The following TNIK variants were observed in gnomAD, a reference collection of about 807,000 sequenced individuals.
TNIK encodes TRAF2 and NCK-interacting protein kinase.
In TNIK, 49 loss-of-function variants were observed where a neutral mutation model predicts 191.3. The ratio of observed to expected loss-of-function variants is 0.26; its 90% CI spans 0.20 to 0.32. TNIK has a LOEUF of 0.32. Among genes scored for constraint, TNIK ranks in the 10% least tolerant of loss-of-function variants. The pLI is 1.00. For synonymous variants in TNIK, 594 were observed against 600.9 expected (o/e 0.99, Z 0.17); for missense variants, 1,155 against 1,702.3 (o/e 0.68, Z 5.66).
intron 17 of TNIK, 21 bp from the exon 18 acceptor site, chr3:171,123,723 GA>G: frequency 6.5e-7 from 1 of 1,541,152 alleles, no homozygotes; most frequent in Non-Finnish European, 8.8e-7. Flanking sequence ...CCAGAATTCA[GA>G]AATATTTTCC....
chr3:171,329,978 C>T (rs1560436586), intron 2 of TNIK, among the ~76,000 whole-genome samples: 1 of 152,172 alleles, frequency 6.6e-6, no homozygotes, highest in Non-Finnish European at 1.5e-5. Context: ...AAGGTTGTCA[C>T]AGATGGGGGA....
chr3:171,428,123 A>G (rs1342751748), intron 1 of TNIK, among the ~76,000 whole-genome samples: 2 of 152,160 alleles, frequency 1.3e-5, no homozygotes, highest in East Asian at 1.9e-4. Flanking sequence ...GCATTATCCA[A>G]CTTAAGCTTT....
At chr3:171,301,105 C>T (rs1248412522) in intron 2 of TNIK, among the ~76,000 whole-genome samples, 2 of 151,686 alleles carry the variant, frequency 1.3e-5, no homozygotes, top group African/African-American at 4.8e-5. Flanking sequence ...TAGTGGGTAC[C>T]AGTTTAACCA....
intron 16 of TNIK, among the ~76,000 whole-genome samples, chr3:171,127,235 G>C (rs1313476065): frequency 6.6e-6 from 1 of 152,168 alleles, no homozygotes; most frequent in Non-Finnish European, 1.5e-5. Context: ...AAATTTAAGT[G>C]CTGGAATGTT....
Position 171,177,353 on chromosome 3 carries a change from C to T in TNIK, c.667G>A (p.Ala223Thr). The T allele has an allele frequency of 3.1e-6, 5 of 1,607,182 alleles. No homozygotes were observed. Among genetic ancestry groups the T allele is most frequent in the Non-Finnish European group, 4.2e-6 (5 of 1,176,860 alleles). ...GGAGCACCTTCTGCCATTTCAATGG[C>T]GGTGATACCCAAAGACCACAAGTCA... Reference protein sequence around the residue: ...KSDLWSLGITAIEMAEGAPPL... With the variant: ...KSDLWSLGITTIEMAEGAPPL... The change falls in exon 8 of 33, where the codon GCC (alanine) becomes ACC (threonine). Residue 223 changes from alanine to threonine, a missense_variant. This residue lies in a region of TNIK where 225 missense variants were observed against 438.9 expected (regional missense o/e 0.51). Coordinates refer to ENST00000436636, the MANE Select transcript of TNIK (RefSeq NM_015028.4).
intron 2 of TNIK, among the ~76,000 whole-genome samples, chr3:171,250,882 C>T: frequency 6.6e-6 from 1 of 152,164 alleles, no homozygotes; most frequent in East Asian, 1.9e-4. Context: ...TCTTGCAATC[C>T]TCTGCTGCAA....
intron 1 of TNIK, among the ~76,000 whole-genome samples, chr3:171,417,826 G>A (rs920726180): frequency 5.3e-5 from 8 of 152,136 alleles, no homozygotes; most frequent in African/African-American, 1.9e-4. Flanking sequence ...TTTCTCTAAG[G>A]CTGCATGGCA....
At chr3:171,356,422 G>C (rs910699345) in intron 2 of TNIK, among the ~76,000 whole-genome samples, 2 of 152,114 alleles carry the variant, frequency 1.3e-5, no homozygotes, top group South Asian at 4.2e-4. Context: ...CAAAAACACA[G>C]TGTCCCCATT....
intron 2 of TNIK, among the ~76,000 whole-genome samples, chr3:171,355,166 T>C (rs572245836): frequency 6.6e-6 from 1 of 152,228 alleles, no homozygotes; most frequent in Admixed American, 6.5e-5. Flanking sequence ...TCCGTATTAA[T>C]CATCTGCTCA....
chr3:171,274,945 C>T (rs1749545904), intron 2 of TNIK, among the ~76,000 whole-genome samples: 1 of 152,138 alleles, frequency 6.6e-6, no homozygotes, highest in African/African-American at 2.4e-5. Flanking sequence ...TCTTCGAAGG[C>T]CAGAGAATGA....
intron 1 of TNIK, among the ~76,000 whole-genome samples, chr3:171,455,491 TCGGCCTC>T (rs1374201542): frequency 2.9e-5 from 4 of 135,956 alleles, no homozygotes; most frequent in African/African-American, 1.3e-4. Context: ...TCCTCCCACT[TCGGCCTC>T]CCGAAGTGCT....
rs1242325988 is a variant in TNIK at position 171,276,092 on chromosome 3, G to A, written c.124-47871C>T. On this transcript the variant is annotated intron_variant, in intron 2 of 32. Coordinates refer to ENST00000436636, the MANE Select transcript of TNIK (RefSeq NM_015028.4). Reference sequence around the variant, plus strand: ...CATTCTCAACACCCACTCCACAAATGCTGAAGAAAGGAGCTGGACGAAAAT... The same window carrying A: ...CATTCTCAACACCCACTCCACAAATACTGAAGAAAGGAGCTGGACGAAAAT... 4.6e-5 allele frequency among the ~76,000 whole-genome samples: 7 copies of A among 151,974 alleles called. No homozygotes were observed. In the East Asian group the frequency reaches 1.3e-3, roughly 29 times the overall value.
intron 1 of TNIK, among the ~76,000 whole-genome samples, chr3:171,427,996 TG>T (rs1348319818): frequency 6.6e-6 from 1 of 152,096 alleles, no homozygotes; most frequent in African/African-American, 2.4e-5. Flanking sequence ...TGTTTGGTGC[TG>T]GGGGCTGGGG....
chr3:171,352,365 AG>A (rs1204336455), intron 2 of TNIK, among the ~76,000 whole-genome samples: 1 of 152,218 alleles, frequency 6.6e-6, no homozygotes, highest in Non-Finnish European at 1.5e-5. Context: ...CCAAGTATGG[AG>A]GGAGACCATT....
intron 2 of TNIK, among the ~76,000 whole-genome samples, chr3:171,341,740 T>A (rs1476084595): frequency 6.6e-6 from 1 of 152,140 alleles, no homozygotes; most frequent in Non-Finnish European, 1.5e-5. Context: ...CTAGTCTTTA[T>A]CCTTATGGCA....
At chr3:171,327,457 G>C (rs1755899382) in intron 2 of TNIK, among the ~76,000 whole-genome samples, 1 of 152,130 alleles carries the variant, frequency 6.6e-6, no homozygotes, top group Non-Finnish European at 1.5e-5. Context: ...GGGCTGGAGG[G>C]CTGGACAGTG....
At chr3:171,336,999 T>TTCACCTCTTCCCCACAGCC (rs1757021394) in intron 2 of TNIK, among the ~76,000 whole-genome samples, 1 of 152,174 alleles carries the variant, frequency 6.6e-6, no homozygotes, top group Non-Finnish European at 1.5e-5. Context: ...CTGACACAGC[T>TTCACCTCTTCCCCACAGCC]TCACCTCTTC....
rs1721086738 is a variant in TNIK, at chr3:171,084,460, AT to A, written c.2999-136del. 4 of 1,038,844 alleles carry A rather than the reference AT, an allele frequency of 3.9e-6. No homozygotes were observed. In the South Asian group the frequency reaches 5.8e-5, roughly 15 times the overall value. 64.4% of individuals were successfully genotyped at this position (1,038,844 alleles called of 1,614,324 possible). On this transcript the variant is annotated intron_variant, in intron 25 of 32. Coordinates refer to ENST00000436636, the MANE Select transcript of TNIK (RefSeq NM_015028.4). ...GCAAGGAAACTCTGAAACTCTCCTT[AT>A]TTTACACTTTTTTTTTGTTTTAGTA... is the stretch of plus-strand genomic sequence containing the variant.
At chr3:171,333,552 C>T (rs866621996) in intron 2 of TNIK, among the ~76,000 whole-genome samples, 18 of 134,432 alleles carry the variant, frequency 1.3e-4, no homozygotes, top group South Asian at 7.4e-4. Context: ...CCAACCTGGG[C>T]GAAACAGAGA....
Sources: gnomAD v4.1 joint callset for allele counts (sites outside exome capture counted in the v4.1 genomes callset) on GRCh38, gnomAD v4.1.1 for gene constraint, gnomAD v4.1.1 regional missense constraint, MANE v1.5 for transcripts, NCBI Gene and HGNC (gene_info 2026-07-23, HGNC 2026-07-21) for gene names.